NKD1: variants seen among roughly 807,000 people sequenced by gnomAD.
NKD1 encodes the protein protein naked cuticle homolog 1.
A neutral mutation model predicts 56.0 loss-of-function variants in NKD1; 21 were observed. The observed-to-expected ratio is 0.38, with a 90% CI of 0.27 to 0.54. The LOEUF is 0.54. NKD1 is among the 20% of genes least tolerant of loss of function. NKD1 has a pLI of 0.82. For synonymous variants in NKD1, 263 were observed against 265.7 expected (o/e 0.99, Z 0.10); for missense variants, 578 against 642.7 (o/e 0.90, Z 1.09).
In NKD1 at chr16:50,620,522, C is replaced by T. The variant is rs144385755; in HGVS notation, c.260-1080C>T. Among the ~76,000 whole-genome samples, 14 of 152,286 alleles carry T rather than the reference C, an allele frequency of 9.2e-5. No homozygotes were observed. The East Asian group carries it at 2.1e-3, about 23-fold the overall frequency. On this transcript the variant is annotated intron_variant, in intron 4 of 9. Coordinates refer to ENST00000268459, the MANE Select transcript of NKD1 (RefSeq NM_033119.5). Reference sequence around the variant, plus strand: ...GGGTGGAGGGGCCAGGGTCCCTTCCCGGAGTAGGAGCCAGGCTGTTTCTTC... The same window carrying T: ...GGGTGGAGGGGCCAGGGTCCCTTCCTGGAGTAGGAGCCAGGCTGTTTCTTC...
chr16:50,611,476 C>T (rs1048487095), intron 4 of NKD1, among the ~76,000 whole-genome samples: 2 of 152,350 alleles, frequency 1.3e-5, no homozygotes, highest in African/African-American at 4.8e-5. Context: ...TTTGGCCCTG[C>T]TGCCCTCTCC....
intron 3 of NKD1, chr16:50,574,666 C>G: frequency 1.0e-6 from 1 of 985,418 alleles, no homozygotes; most frequent in Non-Finnish European, 1.2e-6. Flanking sequence ...GGGGTCCCCT[C>G]CCCACCTCCT....
intron 3 of NKD1, among the ~76,000 whole-genome samples, chr16:50,579,783 C>G (rs964196961): frequency 2.0e-5 from 3 of 152,172 alleles, no homozygotes; most frequent in Admixed American, 1.3e-4. Context: ...CACACGCACT[C>G]TAACCCGCCA....
intron 4 of NKD1, among the ~76,000 whole-genome samples, chr16:50,618,259 G>A (rs764385612): frequency 3.9e-5 from 6 of 151,968 alleles, no homozygotes; most frequent in Non-Finnish European, 7.4e-5. Context: ...CTGAAATTAG[G>A]CCCCCAAAAG....
chr16:50,621,677 G>T lies in NKD1; in HGVS notation c.335G>T (p.Cys112Phe). Residue 112 changes from cysteine to phenylalanine, a missense_variant, in exon 5 of 10, where the codon TGC (cysteine) becomes TTC (phenylalanine). Transcript: ENST00000268459. ...AAGATGGAGAGAGTGAGCGAACCCT[G>T]CCCAGGCTCCAAGAAGCAGCTGAAG... ...EKKMERVSEP[C>F]PGSKKQLKFE... The T allele has an allele frequency of 1.9e-6, 3 of 1,613,970 alleles. No individual in the cohort carries two copies. The highest frequency in any genetic ancestry group is 2.5e-6 in the Non-Finnish European group (3 of 1,179,926).
chr16:50,599,913 T>C (rs763381845), intron 3 of NKD1, among the ~76,000 whole-genome samples: 37 of 152,140 alleles, frequency 2.4e-4, no homozygotes, highest in Admixed American at 1.1e-3. Flanking sequence ...TTGGGTTTTT[T>C]TTCCCCCATT....
intron 3 of NKD1, among the ~76,000 whole-genome samples, chr16:50,589,732 CT>C (rs1961312880): frequency 2.0e-5 from 2 of 97,714 alleles, no homozygotes; most frequent in African/African-American, 4.2e-5. Flanking sequence ...CTCTTCTCTT[CT>C]CTTCTCTTCT....
chr16:50,593,338 A>G lies in NKD1; in HGVS notation c.193-14956A>G, dbSNP rs74017735. 6.4e-3 allele frequency among the ~76,000 whole-genome samples: 973 copies of G among 152,280 alleles called. 6 individuals are homozygous for G. Among genetic ancestry groups the G allele is most frequent in the African/African-American group, 0.022 (919 of 41,540 alleles). On this transcript the variant is annotated intron_variant, in intron 3 of 9. Transcript: ENST00000268459. ...AAAATGTAGGGGAGGTACTAGCTTCAGGCACCATTTGATCCAGGGGCTCAA... is the reference window on the plus strand; with the variant it reads ...AAAATGTAGGGGAGGTACTAGCTTCGGGCACCATTTGATCCAGGGGCTCAA...
At chr16:50,630,622 G>A (rs1330901824) in intron 7 of NKD1, among the ~76,000 whole-genome samples, 2 of 152,108 alleles carry the variant, frequency 1.3e-5, no homozygotes, top group Non-Finnish European at 2.9e-5. Flanking sequence ...AAGGAGGTGA[G>A]GCTGGAGGGG....
rs563554987 is a variant in NKD1 at position 50,634,799 on chromosome 16, C to T, written c.*1018C>T. ...GGAACCCAGATGTGACCCTGCTTGT[C>T]TCCTTTTGGGGCTGGACGGCTCTCA... On this transcript the variant is annotated 3_prime_UTR_variant, in exon 10 of 10. Transcript: ENST00000268459. 2.0e-5 allele frequency: 3 copies of T among 152,454 alleles called. No homozygotes were observed. The highest frequency in any genetic ancestry group is 7.2e-5 in the African/African-American group (3 of 41,558). 9.4% of individuals were successfully genotyped at this position (152,454 alleles called of 1,614,324 possible). A position where few individuals can be genotyped will look rare whatever the true frequency, so the allele number is the denominator to read the frequency against.
chr16:50,581,790 A>G lies in NKD1; in HGVS notation c.193-26504A>G, dbSNP rs868837950. On this transcript the variant is annotated intron_variant, in intron 3 of 9. Transcript: ENST00000268459. The stretch of plus-strand genomic sequence containing the variant: ...AGCAGCTCTCAGTGGCTGTTAGCTT[A>G]CAGAGGAGTGGGACCTGGGGAGGGC... Among the ~76,000 whole-genome samples, 145 of 152,314 alleles carry G rather than the reference A, an allele frequency of 9.5e-4. 3 individuals are homozygous for G. Among genetic ancestry groups the G allele is most frequent in the African/African-American group, 3.2e-3 (133 of 41,576 alleles).
intron 3 of NKD1, among the ~76,000 whole-genome samples, chr16:50,582,609 A>G (rs1961141103): frequency 1.3e-5 from 2 of 152,218 alleles, no homozygotes; most frequent in African/African-American, 2.4e-5. Flanking sequence ...CTTGATGTTC[A>G]TCCACGAATT....
intron 3 of NKD1, chr16:50,571,089 G>T (rs1475559297): frequency 2.6e-6 from 2 of 762,670 alleles, no homozygotes; most frequent in Non-Finnish European, 3.2e-6. Context: ...GAGCTGAGAG[G>T]AAAGTGGAGG....
intron 3 of NKD1, among the ~76,000 whole-genome samples, chr16:50,584,159 T>A (rs530916196): frequency 7.2e-5 from 11 of 152,350 alleles, no homozygotes; most frequent in Admixed American, 3.9e-4. Context: ...CACAGCTTCC[T>A]GGTCTAGATC....
At chr16:50,590,588 C>T (rs1407775880) in intron 3 of NKD1, among the ~76,000 whole-genome samples, 4 of 152,032 alleles carry the variant, frequency 2.6e-5, no homozygotes, top group Admixed American at 2.6e-4. Context: ...TTTAATGCTC[C>T]CAGCAACTCC....
intron 3 of NKD1, among the ~76,000 whole-genome samples, chr16:50,564,052 A>C (rs2151264762): frequency 6.6e-6 from 1 of 152,396 alleles, no homozygotes; most frequent in South Asian, 2.1e-4. Flanking sequence ...AGTGATTCAC[A>C]GCAGGTGGTC....
rs1055923188 is a variant in NKD1, at chr16:50,623,925, T to A, written c.367-1560T>A. Among the ~76,000 whole-genome samples, 2 of 151,782 alleles carry A rather than the reference T, an allele frequency of 1.3e-5. No homozygotes were observed. Among genetic ancestry groups the A allele is most frequent in the Non-Finnish European group, 2.9e-5 (2 of 67,942 alleles). ...ACATGAACAGTGCCTCAGAGAGCAA[T>A]GAGGGCCCTTGGCAGTTATCAAACG... On this transcript the variant is annotated intron_variant, in intron 5 of 9. Transcript: ENST00000268459. The surrounding 1 kb of genome is among the most constrained non-coding windows in gnomAD (Gnocchi z 4.1).
chr16:50,610,246 T>C (rs1961813078), intron 4 of NKD1, among the ~76,000 whole-genome samples: 1 of 152,224 alleles, frequency 6.6e-6, no homozygotes, highest in Non-Finnish European at 1.5e-5. Context: ...TAAAAACTAA[T>C]GTCAGTATTT....
chr16:50,597,689 C>T (rs1961503046), intron 3 of NKD1, among the ~76,000 whole-genome samples: 1 of 152,180 alleles, frequency 6.6e-6, no homozygotes, highest in African/African-American at 2.4e-5. Context: ...CCTGGGCCCT[C>T]ATTCCCAAAT....
Sources: allele counts gnomAD v4.1 joint callset (sites outside exome capture counted in the v4.1 genomes callset), GRCh38; gene constraint gnomAD v4.1.1; non-coding constraint Gnocchi (gnomAD v3.1); transcripts MANE v1.5; gene names NCBI Gene and HGNC (gene_info 2026-07-23, HGNC 2026-07-21).